The following COL1A2 variants were observed in gnomAD, a reference collection of about 807,000 sequenced individuals.
COL1A2 encodes collagen type I alpha 2 chain.
A neutral mutation model predicts 174.3 loss-of-function variants in COL1A2; 49 were observed. The ratio of observed to expected loss-of-function variants is 0.28; its 90% confidence interval spans 0.22 to 0.36. The LOEUF is 0.36. COL1A2 is among the 10% of genes least tolerant of loss of function. COL1A2 has a pLI of 1.00. For missense variants in COL1A2, 1,438 were observed against 1,822.7 expected (o/e 0.79, Z 3.84); for synonymous variants, 655 against 606.6 (o/e 1.08, Z -1.17).
In COL1A2 at chr7:94,430,244, C is replaced by T. The variant is rs1792370134; in HGVS notation, c.3955-3C>T. On this transcript the variant is annotated splice_region_variant and splice_polypyrimidine_tract_variant and intron_variant, in intron 51 of 51. Transcript: ENST00000297268. Reference sequence around the variant, plus strand: ...GTGTATCTATTTTCTTCTCTTTAAACAGAAAAAGACAAATGAATGGGGAAA... The same window carrying T: ...GTGTATCTATTTTCTTCTCTTTAAATAGAAAAAGACAAATGAATGGGGAAA... 6.2e-7 allele frequency: 1 copy of T among 1,613,126 alleles called. No individual in the cohort carries two copies. Among genetic ancestry groups the T allele is most frequent in the African/African-American group, 1.3e-5 (1 of 74,848 alleles).
chr7:94,421,905 A>T lies in COL1A2; in HGVS notation c.2356A>T (p.Thr786Ser). 6.2e-7 allele frequency: 1 copy of T among 1,614,114 alleles called. No individual in the cohort carries two copies. Residue 786 changes from threonine to serine, a missense_variant, in exon 39 of 52, where the codon ACT becomes TCT. Physicochemically the swap from Thr to Ser is moderately conservative, Grantham distance 58. Coordinates refer to ENST00000297268, the MANE Select transcript of COL1A2 (RefSeq NM_000089.4). ...SRGDGGPPGM[T>S]GFPGAAGRTG... ...TAATGTGCTTGGCTCTTAGGGTATGACTGGTTTCCCTGGTGCTGCTGGACG... is the reference window on the plus strand; with the variant it reads ...TAATGTGCTTGGCTCTTAGGGTATGTCTGGTTTCCCTGGTGCTGCTGGACG...
chr7:94,425,447 T>TA, intron 42 of COL1A2, 163 bp from the exon 43 acceptor site: 1 of 876,508 alleles, frequency 1.1e-6, no homozygotes, highest in East Asian at 2.6e-5. Context: ...AAAACATCTC[T>TA]AAAAAATATC....
chr7:94,430,604 T>A lies in COL1A2; in HGVS notation c.*211T>A, dbSNP rs112530798. On this transcript the variant is annotated 3_prime_UTR_variant, in exon 52 of 52. Coordinates refer to ENST00000297268, the MANE Select transcript of COL1A2 (RefSeq NM_000089.4). Reference sequence around the variant, plus strand: ...TCCTTCCCCCGCTCCCCCAAAAATTTGAATTTTTTTTTCAACACTCTTACA... The same window carrying A: ...TCCTTCCCCCGCTCCCCCAAAAATTAGAATTTTTTTTTCAACACTCTTACA... 7 of 582,488 alleles carry A rather than the reference T, an allele frequency of 1.2e-5. No homozygotes were observed. Among genetic ancestry groups the A allele is most frequent in the African/African-American group, 5.6e-5 (3 of 53,636 alleles). 36.1% of individuals were successfully genotyped at this position (582,488 alleles called of 1,614,324 possible). A position where few individuals can be genotyped will look rare whatever the true frequency, so the allele number is the denominator to read the frequency against.
At chr7:94,414,327 C>T (rs1444525489) in intron 29 of COL1A2, 52 bp downstream of exon 29, 1 of 1,511,962 alleles carries the variant, frequency 6.6e-7, no homozygotes, top group Non-Finnish European at 9.2e-7. Flanking sequence ...GAGAATTTCC[C>T]CCTGTTTAAT....
rs751214523 is a variant in COL1A2, at chr7:94,420,213, C to T, written c.2080-20C>T. ...TCTATGTCAGGCACATTAACAGATT[C>T]ATCTTTGGTCCCATTATAGGGCGAA... On this transcript the variant is annotated intron_variant, in intron 34 of 51. Transcript: ENST00000297268. 3.1e-6 allele frequency: 5 copies of T among 1,612,802 alleles called. No individual in the cohort carries two copies. The Admixed American group carries it at 6.7e-5, about 22-fold the overall frequency.
At chr7:94,397,299 A>G (rs1334444366) in intron 1 of COL1A2, among the ~76,000 whole-genome samples, 2 of 152,154 alleles carry the variant, frequency 1.3e-5, no homozygotes, top group African/African-American at 4.8e-5. Flanking sequence ...TCAATATAGA[A>G]TTTTAAGGTA....
chr7:94,430,461 T>C lies in COL1A2; in HGVS notation c.*68T>C. The C allele has an allele frequency of 6.5e-7, 1 of 1,531,746 alleles. No individual in the cohort carries two copies. The highest frequency in any genetic ancestry group is 9.0e-7 in the Non-Finnish European group (1 of 1,116,030). The allele number at this position is 1,531,746 out of a possible 1,614,324, so 94.9% of individuals were successfully genotyped here. A position where few individuals can be genotyped will look rare whatever the true frequency, so the allele number is the denominator to read the frequency against. The stretch of plus-strand genomic sequence containing the variant: ...CTTTCTCTTTGCCATTTCTTCTTCT[T>C]CTTTTTTAACTGAAAGCTGAATCCT... On this transcript the variant is annotated 3_prime_UTR_variant, in exon 52 of 52. Transcript: ENST00000297268.
At chr7:94,406,407 A>G in intron 12 of COL1A2, 104 bp downstream of exon 12, 1 of 1,080,204 alleles carries the variant, frequency 9.3e-7, no homozygotes, top group Non-Finnish European at 1.4e-6. Flanking sequence ...TACAAAAAGT[A>G]TTTTTATTTT....
At chr7:94,402,659 G>GT (rs1010573349) in intron 6 of COL1A2, among the ~76,000 whole-genome samples, 2 of 152,098 alleles carry the variant, frequency 1.3e-5, no homozygotes, top group African/African-American at 4.8e-5. Flanking sequence ...AAGTCAAAGT[G>GT]TTAGGTTGAT....
chr7:94,412,552 A>G, intron 24 of COL1A2, 32 bp from the exon 25 acceptor site: 1 of 1,560,282 alleles, frequency 6.4e-7, no homozygotes, highest in Non-Finnish European at 8.8e-7. Flanking sequence ...ATATGTTGAC[A>G]CTGAGTAAAC....
At chr7:94,427,963 A>G in intron 49 of COL1A2, 78 bp downstream of exon 49, 6 of 1,460,624 alleles carry the variant, frequency 4.1e-6, no homozygotes, top group Non-Finnish European at 5.7e-6. Flanking sequence ...TGACATTTAG[A>G]GTGAAAATGC....
intron 11 of COL1A2, among the ~76,000 whole-genome samples, chr7:94,405,974 G>A (rs925244646): frequency 2.6e-5 from 4 of 152,130 alleles, no homozygotes; most frequent in Admixed American, 6.5e-5. Context: ...TACTTATTGA[G>A]TATTTACAAC....
intron 15 of COL1A2, 82 bp downstream of exon 15, chr7:94,408,462 A>G: frequency 6.8e-7 from 1 of 1,471,942 alleles, no homozygotes; most frequent in South Asian, 1.1e-5. Context: ...CTTACGAAAT[A>G]GCATCATTTC....
intron 48 of COL1A2, 138 bp downstream of exon 48, chr7:94,427,433 C>T: frequency 3.7e-6 from 4 of 1,067,644 alleles, no homozygotes; most frequent in Non-Finnish European, 5.6e-6. Flanking sequence ...TGGAAATTGT[C>T]TATATGCAAT....
In COL1A2 at chr7:94,410,470, G is replaced by A; in HGVS notation, c.1140G>A (p.Lys380=). ...GPPGPSGEEG[K]RGPNGEAGSA... ...CTGGTCCCAGTGGTGAAGAAGGAAA[G>A]AGAGGCCCTAATGGGGAAGCTGGAT... The change falls in exon 21 of 52, where the codon AAG becomes AAA. Residue 380 remains lysine (K), a synonymous_variant. Transcript: ENST00000297268. The A allele has an allele frequency of 6.4e-7, 1 of 1,550,618 alleles. No homozygotes were observed. The highest frequency in any genetic ancestry group is 1.2e-5 in the South Asian group (1 of 83,994).
intron 17 of COL1A2, 59 bp from the exon 18 acceptor site, chr7:94,409,505 A>G: frequency 1.9e-6 from 3 of 1,612,798 alleles, no homozygotes; most frequent in Non-Finnish European, 8.5e-7. Flanking sequence ...AGATGGGGTC[A>G]AAGAAGAACC....
At chr7:94,408,945 C>A in intron 16 of COL1A2, 122 bp downstream of exon 16, 1 of 951,934 alleles carries the variant, frequency 1.1e-6, no homozygotes, top group Non-Finnish European at 1.7e-6. Flanking sequence ...TATTCCTTCC[C>A]TTCAAAATGG....
chr7:94,421,154 T>A, intron 38 of COL1A2, 92 bp downstream of exon 38: 1 of 1,298,846 alleles, frequency 7.7e-7, no homozygotes, highest in Non-Finnish European at 1.1e-6. Flanking sequence ...AAATTTGGAC[T>A]ACCATGAGGA....
At position 94,420,306 on chromosome 7, in the gene COL1A2, A is replaced by G. The variant is rs1217404852; in HGVS notation, c.2133+20A>G. 5 of 1,614,100 alleles carry G rather than the reference A, an allele frequency of 3.1e-6. No individual in the cohort carries two copies. The highest frequency in any genetic ancestry group is 4.2e-6 in the Non-Finnish European group (5 of 1,180,018). On this transcript the variant is annotated intron_variant, in intron 35 of 51. Transcript: ENST00000297268. ...AGCCCTGTAAGTAAGAACCTGGGTC[A>G]TTTTGTATACTCACACCTCACAATG...
Sources: gnomAD v4.1 joint callset for allele counts (sites outside exome capture counted in the v4.1 genomes callset) on GRCh38, gnomAD v4.1.1 for gene constraint, MANE v1.5 for transcripts, NCBI Gene and HGNC (gene_info 2026-07-23, HGNC 2026-07-21) for gene names.